UNC13B: variants seen among roughly 807,000 people sequenced by gnomAD.
UNC13B encodes unc-13 homolog B, also known as protein unc-13 homolog B.
In UNC13B, 144 loss-of-function variants were observed where a neutral mutation model predicts 211.0. The observed-to-expected ratio is 0.68, with a 90% confidence interval of 0.60 to 0.78. The LOEUF (loss-of-function observed/expected upper bound fraction) is 0.78. Among genes scored for constraint, UNC13B ranks in the 30% least tolerant of loss-of-function variants. The pLI is 0.00. For missense variants in UNC13B, 1,777 were observed against 2,002.0 expected (o/e 0.89, Z 2.14); for synonymous variants, 709 against 725.8 (o/e 0.98, Z 0.37).
chr9:35,394,196 A>G (rs1365224629), intron 26 of UNC13B, among the ~76,000 whole-genome samples: 1 of 152,196 alleles, frequency 6.6e-6, no homozygotes, highest in Non-Finnish European at 1.5e-5. Context: ...AGCATTGAAC[A>G]AGAGGGTAAG....
At chr9:35,364,541 G>C (rs1833647604) in intron 11 of UNC13B, 1 of 1,535,784 alleles carries the variant, frequency 6.5e-7, no homozygotes, top group Admixed American at 2.0e-5. Context: ...TTCTCTCCTT[G>C]CAGAAGAAAA....
At chr9:35,252,762 C>G (rs575947164) in intron 6 of UNC13B, among the ~76,000 whole-genome samples, 1 of 152,012 alleles carries the variant, frequency 6.6e-6, no homozygotes, top group African/African-American at 2.4e-5. Context: ...AACCCCGTCT[C>G]TACTAAAAAT....
intron 11 of UNC13B, among the ~76,000 whole-genome samples, chr9:35,328,304 G>C (rs571674249): frequency 6.6e-6 from 1 of 152,040 alleles, no homozygotes; most frequent in Non-Finnish European, 1.5e-5. Flanking sequence ...GATTACAGGC[G>C]TGAGCCACCA....
intron 6 of UNC13B, 132 bp from the exon 7 acceptor site, chr9:35,258,861 T>C: frequency 1.3e-6 from 1 of 756,482 alleles, no homozygotes; most frequent in Non-Finnish European, 2.1e-6. Context: ...GAGCAGGATG[T>C]TCTGTTTCTG....
chr9:35,199,295 A>G (rs915920628), intron 1 of UNC13B, among the ~76,000 whole-genome samples: 3 of 152,304 alleles, frequency 2.0e-5, no homozygotes, highest in Middle Eastern at 6.8e-3. Flanking sequence ...TAGTGCTGCA[A>G]TAAACATACG....
chr9:35,337,858 A>G (rs533866774), intron 11 of UNC13B, among the ~76,000 whole-genome samples: 5 of 152,324 alleles, frequency 3.3e-5, no homozygotes, highest in African/African-American at 7.2e-5. Context: ...GCCATAAAGA[A>G]CTGAGGGGAT....
At chr9:35,255,044 A>ATATAATATAATATATATTATG (rs1463729591) in intron 6 of UNC13B, among the ~76,000 whole-genome samples, 44 of 118,998 alleles carry the variant, frequency 3.7e-4, no homozygotes, top group African/African-American at 8.2e-4. Flanking sequence ...TATATATTAT[A>ATATAATATAATATATATTATG]TATAATATAA....
rs1564196565 is a variant in UNC13B at position 35,396,888 on chromosome 9, T to A, written c.11483T>A (p.Val3828Glu). ...CAATGGCTGGATGAGAATGAGGATG[T>A]ATCCCTGGAATTCCTGCGTGGGGCC... ...VLQWLDENED[V>E]SLEFLRGALE... The change falls in exon 28 of 40, where the codon GTA becomes GAA. Residue 3828 changes from valine to glutamate, a missense_variant. Transcript: ENST00000635942. 1 of 1,614,168 alleles carries A rather than the reference T, an allele frequency of 6.2e-7. No individual in the cohort carries two copies. The highest frequency in any genetic ancestry group is 8.5e-7 in the Non-Finnish European group (1 of 1,180,026).
At chr9:35,383,832 T>G (rs949157754) in intron 21 of UNC13B, among the ~76,000 whole-genome samples, 6 of 152,178 alleles carry the variant, frequency 3.9e-5, no homozygotes, top group Admixed American at 6.5e-5. Context: ...ATAACTGTTA[T>G]GCACTACCCC....
Position 35,305,450 on chromosome 9 carries a change from A to G in UNC13B, c.6046A>G (p.Ser2016Gly). Residue 2016 changes from serine (S) to glycine (G), a missense_variant, in exon 9 of 40, where the codon AGT becomes GGT. Coordinates refer to ENST00000635942, the MANE Select transcript of UNC13B (RefSeq NM_001371189.2). Reference protein sequence around the residue: ...SMTIKDEVRSSPTPMELASQG... With the variant: ...SMTIKDEVRSGPTPMELASQG... ...GACTATTAAGGATGAGGTCAGGTCA[A>G]GTCCTACTCCTATGGAGCTAGCTAG... The G allele has an allele frequency of 2.5e-6, 1 of 399,014 alleles. No homozygotes were observed. The highest frequency in any genetic ancestry group is 4.4e-6 in the Non-Finnish European group (1 of 226,030). 24.7% of individuals were successfully genotyped at this position (399,014 alleles called of 1,614,324 possible).
chr9:35,402,086 TG>T, intron 37 of UNC13B: 1 of 1,357,920 alleles, frequency 7.4e-7, no homozygotes, highest in Non-Finnish European at 1.0e-6. Flanking sequence ...CAACTCGTGC[TG>T]GGGGTGGGGG....
intron 11 of UNC13B, among the ~76,000 whole-genome samples, chr9:35,337,118 G>A (rs1343532355): frequency 1.3e-5 from 2 of 151,818 alleles, no homozygotes; most frequent in African/African-American, 4.8e-5. Flanking sequence ...AGTCACTGAC[G>A]GATTTTAAGA....
chr9:35,290,898 C>T (rs1829065816), intron 7 of UNC13B, among the ~76,000 whole-genome samples: 2 of 152,012 alleles, frequency 1.3e-5, no homozygotes, highest in Admixed American at 6.6e-5. Flanking sequence ...ATTTGTCTCA[C>T]ATTTGGTAGA....
In UNC13B at chr9:35,307,495, C is replaced by T. The variant is rs561784289; in HGVS notation, c.8091C>T (p.Ala2697=). 1.8e-5 allele frequency: 7 copies of T among 399,048 alleles called. No individual in the cohort carries two copies. The East Asian group carries it at 2.5e-4, about 14-fold the overall frequency. 24.7% of individuals were successfully genotyped at this position (399,048 alleles called of 1,614,324 possible). A position where few individuals can be genotyped will look rare whatever the true frequency, so the allele number is the denominator to read the frequency against. The part of the protein sequence containing the change: ...TNQDLLELHP[A]SSLETDTMLF... ...AAGACTTACTGGAGCTGCATCCAGCCAGTTCACTAGAAACTGATACTATGC... is the reference window on the plus strand; with the variant it reads ...AAGACTTACTGGAGCTGCATCCAGCTAGTTCACTAGAAACTGATACTATGC... Residue 2697 remains alanine, a synonymous_variant, in exon 9 of 40, where the codon GCC becomes GCT. Coordinates refer to ENST00000635942, the MANE Select transcript of UNC13B (RefSeq NM_001371189.2).
chr9:35,234,115 CT>C (rs1260192074), intron 3 of UNC13B, among the ~76,000 whole-genome samples: 1 of 152,076 alleles, frequency 6.6e-6, no homozygotes, highest in Non-Finnish European at 1.5e-5. Context: ...AAGCAAATTT[CT>C]TTTTTTCTTT....
intron 1 of UNC13B, among the ~76,000 whole-genome samples, chr9:35,202,900 C>A (rs554619599): frequency 6.6e-6 from 1 of 151,872 alleles, no homozygotes; most frequent in African/African-American, 2.4e-5. Flanking sequence ...TCACGCCATT[C>A]TCCTGCCTCA....
intron 1 of UNC13B, among the ~76,000 whole-genome samples, chr9:35,176,589 C>G (rs1030791432): frequency 2.0e-5 from 3 of 152,086 alleles, no homozygotes; most frequent in Non-Finnish European, 4.4e-5. Flanking sequence ...AACCCCACAA[C>G]TGTTGTGCTA....
At chr9:35,356,990 C>T (rs966974139) in intron 11 of UNC13B, among the ~76,000 whole-genome samples, 6 of 152,160 alleles carry the variant, frequency 3.9e-5, no homozygotes, top group African/African-American at 1.2e-4. Flanking sequence ...AGTTGGCGGA[C>T]ATTTGAGTTA....
At chr9:35,222,200 C>A (rs573239229) in intron 1 of UNC13B, among the ~76,000 whole-genome samples, 3 of 152,004 alleles carry the variant, frequency 2.0e-5, no homozygotes, top group Admixed American at 1.3e-4. Flanking sequence ...AAAATGCCTG[C>A]TAGAATTTTG....
Sources: allele counts gnomAD v4.1 joint callset (sites outside exome capture counted in the v4.1 genomes callset), GRCh38; gene constraint gnomAD v4.1.1; transcripts MANE v1.5; gene names NCBI Gene and HGNC (gene_info 2026-07-23, HGNC 2026-07-21).